TAFA5: variants seen among roughly 807,000 people sequenced by gnomAD.
TAFA5 encodes the protein TAFA chemokine like family member 5.
Under a neutral mutation model 15.3 loss-of-function variants are expected in TAFA5, and 6 were observed. The ratio of observed to expected loss-of-function variants is 0.39; its 90% CI spans 0.21 to 0.77. The LOEUF is 0.77. Ranked by LOEUF, TAFA5 falls within the 30% of genes least tolerant of loss-of-function variation. The pLI, the probability that TAFA5 is intolerant of heterozygous loss-of-function variation, is 0.41. For synonymous variants in TAFA5, 103 were observed against 80.7 expected, an observed-to-expected ratio of 1.28 and a Z score of -1.48; for missense variants, 161 against 193.1, an observed-to-expected ratio of 0.83 and a Z score of 0.98.
intron 3 of TAFA5, among the ~76,000 whole-genome samples, chr22:48,732,273 G>A (rs986778074): frequency 2.0e-5 from 2 of 100,402 alleles, no homozygotes; most frequent in South Asian, 2.9e-4. Flanking sequence ...TTTCTGAGAC[G>A]GAGTCTTGCT....
chr22:48,503,384 G>A (rs1036830479), intron 1 of TAFA5, among the ~76,000 whole-genome samples: 4 of 152,232 alleles, frequency 2.6e-5, no homozygotes, highest in African/African-American at 4.8e-5. Flanking sequence ...CTTGCTTTAC[G>A]CCAAGCACAT....
At chr22:48,499,461 G>A (rs1018666664) in intron 1 of TAFA5, among the ~76,000 whole-genome samples, 2 of 152,166 alleles carry the variant, frequency 1.3e-5, no homozygotes, top group Admixed American at 1.3e-4. Context: ...TGGTTGCCTA[G>A]AGTTTGCTTT....
At chr22:48,697,989 G>A (rs540748600) in intron 2 of TAFA5, among the ~76,000 whole-genome samples, 5 of 151,660 alleles carry the variant, frequency 3.3e-5, no homozygotes, top group African/African-American at 4.8e-5. Flanking sequence ...ATAGGATGGT[G>A]AGGATGGTGA....
Position 48,530,848 on chromosome 22 carries a change from C to A in TAFA5, c.112+41144C>A, listed in dbSNP as rs1921946712. Among the ~76,000 whole-genome samples the A allele has an allele frequency of 6.6e-6, 1 of 152,138 alleles. No individual in the cohort carries two copies. Among genetic ancestry groups the A allele is most frequent in the African/African-American group, 2.4e-5 (1 of 41,428 alleles). On this transcript the variant is annotated intron_variant, in intron 1 of 3. Transcript: ENST00000402357. This position sits in a 1 kb window ranked among gnomAD's most constrained non-coding sequence, Gnocchi z 6.0. ...CAGTGCGTGTGGCTATGGGCTTCGA[C>A]AAAGCAGGGGAGAAATGTCCCTCGG...
At chr22:48,601,739 G>A (rs1471003495) in intron 1 of TAFA5, among the ~76,000 whole-genome samples, 1 of 152,114 alleles carries the variant, frequency 6.6e-6, no homozygotes, top group African/African-American at 2.4e-5. Context: ...CTCCAGGTAT[G>A]TGTGTTCTGC....
intron 2 of TAFA5, among the ~76,000 whole-genome samples, chr22:48,697,129 C>CT (rs559010944): frequency 7.2e-4 from 109 of 152,342 alleles, no homozygotes; most frequent in Non-Finnish European, 1.3e-3. Context: ...GGAACCTGGA[C>CT]TGGAAAGAAG....
intron 1 of TAFA5, among the ~76,000 whole-genome samples, chr22:48,555,534 T>C (rs1346893399): frequency 1.3e-5 from 2 of 152,250 alleles, no homozygotes; most frequent in South Asian, 4.1e-4. Flanking sequence ...TGCGGATCTT[T>C]ATGGGAAGAG....
At chr22:48,585,085 C>G (rs1053168242) in intron 1 of TAFA5, among the ~76,000 whole-genome samples, 1 of 148,238 alleles carries the variant, frequency 6.7e-6, no homozygotes, top group African/African-American at 2.5e-5. Context: ...ATACACTACA[C>G]ACACAGCACA....
At chr22:48,610,591 A>G (rs1324767811) in intron 1 of TAFA5, among the ~76,000 whole-genome samples, 2 of 94,070 alleles carry the variant, frequency 2.1e-5, no homozygotes, top group African/African-American at 5.6e-5. Flanking sequence ...TGTCCCCAGC[A>G]TGGAGGAGCA....
chr22:48,640,820 T>C (rs1601635941), intron 1 of TAFA5, among the ~76,000 whole-genome samples: 1 of 151,918 alleles, frequency 6.6e-6, no homozygotes, highest in Non-Finnish European at 1.5e-5. Flanking sequence ...TTGGTGGGGG[T>C]CTGCCCTATG....
chr22:48,722,175 A>G (rs1929588045), intron 3 of TAFA5, among the ~76,000 whole-genome samples: 1 of 152,086 alleles, frequency 6.6e-6, no homozygotes, highest in African/African-American at 2.4e-5. Context: ...AAGCGTTCCT[A>G]TTTCTCCACC....
chr22:48,731,690 G>A (rs1054866284), intron 3 of TAFA5, among the ~76,000 whole-genome samples: 1 of 152,142 alleles, frequency 6.6e-6, no homozygotes, highest in African/African-American at 2.4e-5. Context: ...TAAGCCCACC[G>A]ATGAGACCTA....
At chr22:48,616,457 G>T (rs929031259) in intron 1 of TAFA5, among the ~76,000 whole-genome samples, 7 of 152,148 alleles carry the variant, frequency 4.6e-5, no homozygotes, top group African/African-American at 1.7e-4. Flanking sequence ...ATGGGATCAG[G>T]TGCAGTCACC....
In TAFA5 at chr22:48,682,875, T is replaced by A. The variant is rs375662901; in HGVS notation, c.263-24842T>A. ...TTGATGATTTCAAGGTTGTGTTTCA[T>A]TACAGTGTGGCAGGAAGGCTTGACA... On this transcript the variant is annotated intron_variant, in intron 2 of 3. Transcript: ENST00000402357. 2.6e-5 allele frequency among the ~76,000 whole-genome samples: 4 copies of A among 152,314 alleles called. No homozygotes were observed. In the East Asian group the frequency reaches 7.7e-4, roughly 29 times the overall value.
rs910080060 is a variant in TAFA5 at position 48,558,192 on chromosome 22, A to G, written c.112+68488A>G. ...ACCGTCGCAACATCCCAATCTAGTCATTATTGCGTCTTCGCTCTCCGTGGC... is the reference window on the plus strand; with the variant it reads ...ACCGTCGCAACATCCCAATCTAGTCGTTATTGCGTCTTCGCTCTCCGTGGC... On this transcript the variant is annotated intron_variant, in intron 1 of 3. Transcript: ENST00000402357. Among the ~76,000 whole-genome samples, 4 of 152,068 alleles carry G rather than the reference A, an allele frequency of 2.6e-5. No individual in the cohort carries two copies. In the East Asian group the frequency reaches 7.7e-4, roughly 29 times the overall value.
At chr22:48,701,737 G>T (rs183693758) in intron 2 of TAFA5, among the ~76,000 whole-genome samples, 1 of 152,270 alleles carries the variant, frequency 6.6e-6, no homozygotes, top group East Asian at 1.9e-4. Context: ...CTGTTTGCAG[G>T]GTCACCAGGC....
At chr22:48,644,865 C>T (rs1370813640) in intron 1 of TAFA5, among the ~76,000 whole-genome samples, 3 of 152,228 alleles carry the variant, frequency 2.0e-5, no homozygotes, top group Non-Finnish European at 2.9e-5. Context: ...CGGCTTTCCT[C>T]GGAGTCACCT....
chr22:48,592,641 GCCTCCCTC>G (rs1161710737), intron 1 of TAFA5, among the ~76,000 whole-genome samples: 2 of 151,954 alleles, frequency 1.3e-5, no homozygotes, highest in East Asian at 3.9e-4. Flanking sequence ...GGTATCTGCT[GCCTCCCTC>G]CCTCCCTCCC....
At position 48,560,110 on chromosome 22, in the gene TAFA5, T is replaced by C. The variant is rs1052260580; in HGVS notation, c.112+70406T>C. On this transcript the variant is annotated intron_variant, in intron 1 of 3. Coordinates refer to ENST00000402357, the MANE Select transcript of TAFA5 (RefSeq NM_001082967.3). The surrounding 1 kb of genome is among the most constrained non-coding windows in gnomAD (Gnocchi z 4.2). ...CTTCGCAGCATAGGATTTGGGGACC[T>C]CCACGTGCCGTCCCATGGGAAAGCC... 3.9e-5 allele frequency among the ~76,000 whole-genome samples: 6 copies of C among 152,184 alleles called. No homozygotes were observed. The highest frequency in any genetic ancestry group is 7.4e-5 in the Non-Finnish European group (5 of 68,018).
Sources: gnomAD v4.1 joint callset for allele counts (sites outside exome capture counted in the v4.1 genomes callset) on GRCh38, gnomAD v4.1.1 for gene constraint, Gnocchi (gnomAD v3.1) non-coding constraint, MANE v1.5 for transcripts, NCBI Gene and HGNC (gene_info 2026-07-23, HGNC 2026-07-21) for gene names.